The following PXDNL variants were observed in gnomAD, a reference collection of about 807,000 sequenced individuals.
The protein encoded by PXDNL is peroxidasin like, also known as probable oxidoreductase PXDNL.
Under a neutral mutation model 150.8 loss-of-function variants are expected in PXDNL, and 145 were observed. The ratio of observed to expected loss-of-function variants is 0.96; its 90% CI spans 0.84 to 1.10. PXDNL has a LOEUF of 1.10. PXDNL is among the 50% of genes least tolerant of loss of function. The probability of loss-of-function intolerance (pLI) is 0.00; values close to 1 mark genes in which losing one functional copy is unlikely to be tolerated. For missense variants in PXDNL, 2,087 were observed against 1,873.9 expected, an observed-to-expected ratio of 1.11 and a Z score of -2.10; for synonymous variants, 757 against 725.7, an observed-to-expected ratio of 1.04 and a Z score of -0.69.
At chr8:51,390,364 CAGAT>C (rs1236120566) in intron 17 of PXDNL, among the ~76,000 whole-genome samples, 6 of 152,128 alleles carry the variant, frequency 3.9e-5, no homozygotes, top group Non-Finnish European at 1.5e-5. Flanking sequence ...AGTGGAAACT[CAGAT>C]AGATCATGCA....
intron 3 of PXDNL, among the ~76,000 whole-genome samples, chr8:51,569,783 C>A (rs1051448802): frequency 9.2e-5 from 14 of 151,848 alleles, no homozygotes; most frequent in African/African-American, 3.4e-4. Flanking sequence ...TCCAGCAAAA[C>A]TGACAGCTAA....
At chr8:51,360,778 A>G (rs1806708541) in intron 19 of PXDNL, among the ~76,000 whole-genome samples, 1 of 152,226 alleles carries the variant, frequency 6.6e-6, no homozygotes, top group Non-Finnish European at 1.5e-5. Context: ...ACTGTGTTCA[A>G]TAATGCAAAT....
intron 2 of PXDNL, among the ~76,000 whole-genome samples, chr8:51,611,907 C>T (rs965018166): frequency 6.6e-6 from 1 of 152,192 alleles, no homozygotes; most frequent in African/African-American, 2.4e-5. Context: ...GAAGGGAAGG[C>T]CCGGGGCACC....
chr8:51,350,546 G>A (rs887785997), intron 19 of PXDNL, among the ~76,000 whole-genome samples: 2 of 151,700 alleles, frequency 1.3e-5, no homozygotes, highest in Admixed American at 6.6e-5. Context: ...GTAGAGACGG[G>A]GTTTCACTGT....
At chr8:51,718,792 A>G (rs1023644026) in intron 1 of PXDNL, among the ~76,000 whole-genome samples, 1 of 152,188 alleles carries the variant, frequency 6.6e-6, no homozygotes, top group African/African-American at 2.4e-5. Flanking sequence ...GTATTAGGGT[A>G]CACTCATGCT....
intron 1 of PXDNL, among the ~76,000 whole-genome samples, chr8:51,808,130 G>T (rs10504127): frequency 6.6e-6 from 1 of 151,892 alleles, no homozygotes; most frequent in Non-Finnish European, 1.5e-5. Flanking sequence ...CTCATTTCAC[G>T]ATTATGACTG....
chr8:51,752,197 T>C (rs1236488179), intron 1 of PXDNL, among the ~76,000 whole-genome samples: 1 of 152,184 alleles, frequency 6.6e-6, no homozygotes, highest in Admixed American at 6.5e-5. Context: ...TTAAATTCAG[T>C]GGGTCCAGGT....
intron 1 of PXDNL, among the ~76,000 whole-genome samples, chr8:51,779,843 G>T (rs985220310): frequency 2.0e-5 from 3 of 152,176 alleles, no homozygotes; most frequent in African/African-American, 7.2e-5. Context: ...CAGGCTGTAA[G>T]GGGGCATCTC....
chr8:51,789,235 G>A (rs546211316), intron 1 of PXDNL, among the ~76,000 whole-genome samples: 3 of 150,214 alleles, frequency 2.0e-5, no homozygotes, highest in East Asian at 1.9e-4. Flanking sequence ...TTACTCATAC[G>A]GTGAGTTCAA....
intron 2 of PXDNL, among the ~76,000 whole-genome samples, chr8:51,641,257 C>A (rs199914267): frequency 9.7e-4 from 146 of 151,242 alleles, no homozygotes; most frequent in Non-Finnish European, 1.9e-3. Context: ...AACCCTAGAA[C>A]AAAACCTAGG....
At chr8:51,524,632 T>TA (rs747443290) in intron 4 of PXDNL, among the ~76,000 whole-genome samples, 26 of 151,492 alleles carry the variant, frequency 1.7e-4, no homozygotes, top group Admixed American at 7.2e-4. Context: ...CACCATTAAC[T>TA]AAAAAAAAAG....
intron 12 of PXDNL, among the ~76,000 whole-genome samples, chr8:51,432,080 G>T (rs1298083065): frequency 1.3e-5 from 2 of 152,038 alleles, no homozygotes; most frequent in Non-Finnish European, 2.9e-5. Context: ...CTATCATAAT[G>T]ATTTTACTTC....
rs550211007 is a variant in PXDNL, at chr8:51,391,544, TGA to T, written c.3557+16521_3557+16522del. Among the ~76,000 whole-genome samples the T allele has an allele frequency of 5.8e-3, 888 of 152,358 alleles. 8 individuals carry two copies. Among genetic ancestry groups the T allele is most frequent in the African/African-American group, 0.02 (836 of 41,578 alleles). ...TTTTGGCTACATAAATGTCTTCTTT[TGA>T]GAAGTGTCTGTTCGTGTCCTTCACC... On this transcript the variant is annotated intron_variant, in intron 17 of 22. Coordinates refer to ENST00000356297, the MANE Select transcript of PXDNL (RefSeq NM_144651.5).
intron 21 of PXDNL, among the ~76,000 whole-genome samples, chr8:51,330,835 A>G (rs955031906): frequency 6.6e-6 from 1 of 152,316 alleles, no homozygotes; most frequent in South Asian, 2.1e-4. Context: ...TTAAAATATC[A>G]TCTAAACCAA....
intron 14 of PXDNL, among the ~76,000 whole-genome samples, chr8:51,419,224 C>A (rs1808882707): frequency 6.6e-6 from 1 of 152,168 alleles, no homozygotes; most frequent in Non-Finnish European, 1.5e-5. Flanking sequence ...TATTTTCATA[C>A]AATTTGAACC....
intron 12 of PXDNL, among the ~76,000 whole-genome samples, chr8:51,432,258 C>T (rs1043910885): frequency 1.3e-5 from 2 of 152,208 alleles, no homozygotes; most frequent in African/African-American, 4.8e-5. Flanking sequence ...AGCAATGACA[C>T]TGCTTATACA....
At chr8:51,703,699 G>C (rs1816304217) in intron 1 of PXDNL, among the ~76,000 whole-genome samples, 1 of 152,088 alleles carries the variant, frequency 6.6e-6, no homozygotes, top group Admixed American at 6.6e-5. Context: ...GTAACTTCTT[G>C]TGTCCACTCA....
At chr8:51,780,654 C>CTTTTT (rs71237240) in intron 1 of PXDNL, among the ~76,000 whole-genome samples, 555 of 75,032 alleles carry the variant, frequency 7.4e-3, no homozygotes, top group African/African-American at 0.018. Context: ...CTTTTCTTTT[C>CTTTTT]TTTTTTTTTT....
intron 1 of PXDNL, among the ~76,000 whole-genome samples, chr8:51,677,244 C>A (rs1447161650): frequency 6.6e-6 from 1 of 152,170 alleles, no homozygotes; most frequent in Non-Finnish European, 1.5e-5. Flanking sequence ...TGGTCATTAT[C>A]ACATGATCTC....
Sources: allele counts gnomAD v4.1 joint callset (sites outside exome capture counted in the v4.1 genomes callset), GRCh38; gene constraint gnomAD v4.1.1; transcripts MANE v1.5; gene names NCBI Gene and HGNC (gene_info 2026-07-23, HGNC 2026-07-21).